The following HRH2 variants were observed in gnomAD, a reference collection of about 807,000 sequenced individuals.
HRH2 encodes histamine H2 receptor.
HRH2 carries 4 observed loss-of-function variants against 20.1 expected under a neutral mutation model. The observed-to-expected ratio is 0.20, with a 90% CI of 0.10 to 0.45. The LOEUF is 0.45. Ranked by LOEUF, HRH2 falls within the 20% of genes least tolerant of loss-of-function variation. The pLI is 0.99. For missense variants in HRH2, 250 were observed against 461.6 expected (o/e 0.54, Z 4.20); for synonymous variants, 197 against 200.7 (o/e 0.98, Z 0.16).
At chr5:175,669,456 C>T (rs1409399848) in intron 1 of HRH2, among the ~76,000 whole-genome samples, 3 of 151,624 alleles carry the variant, frequency 2.0e-5, no homozygotes, top group Admixed American at 2.0e-4. Flanking sequence ...CTCCGCCTGC[C>T]AGGTTCAAGT....
chr5:175,709,814 G>A lies in HRH2; in HGVS notation c.*1843G>A, dbSNP rs929028016. On this transcript the variant is annotated 3_prime_UTR_variant, in exon 3 of 3. Coordinates refer to ENST00000636584, the MANE Select transcript of HRH2 (RefSeq NM_001367711.1). ...AGTGGGCCATGCCAGATGCAACCCA[G>A]GTCATGCCACACAGGTAGATAAAAC... is the stretch of plus-strand genomic sequence containing the variant. 3 of 152,428 alleles carry A rather than the reference G, an allele frequency of 2.0e-5. No individual in the cohort carries two copies. The highest frequency in any genetic ancestry group is 6.5e-5 in the Admixed American group (1 of 15,270). The allele number at this position is 152,428 out of a possible 1,614,324, so 9.4% of individuals were successfully genotyped here. A position where few individuals can be genotyped will look rare whatever the true frequency, so the allele number is the denominator to read the frequency against.
At chr5:175,678,064 T>C (rs11954815) in intron 1 of HRH2, among the ~76,000 whole-genome samples, 25,396 of 152,166 alleles carry the variant, frequency 0.17, 4,952 homozygotes, top group African/African-American at 0.47. Context: ...GGGAAGCCTT[T>C]CGTACCTACA....
intron 2 of HRH2, among the ~76,000 whole-genome samples, chr5:175,691,926 G>A (rs1756398296): frequency 6.6e-6 from 1 of 151,580 alleles, no homozygotes; most frequent in Admixed American, 6.6e-5. Flanking sequence ...GTGAGGAAAA[G>A]GCCCTTCCTC....
intron 1 of HRH2, among the ~76,000 whole-genome samples, chr5:175,677,000 CTCTT>C (rs897054496): frequency 1.0e-3 from 152 of 152,024 alleles, no homozygotes; most frequent in African/African-American, 3.7e-3. Context: ...TTTTCTTTCT[CTCTT>C]TCTTTTTTGA....
At chr5:175,685,122 G>A (rs1009336507) in intron 2 of HRH2, among the ~76,000 whole-genome samples, 4 of 152,174 alleles carry the variant, frequency 2.6e-5, no homozygotes, top group Admixed American at 2.6e-4. Context: ...GAGTGCGGGA[G>A]ATGCAAGGGA....
chr5:175,674,908 G>A (rs986005452), intron 1 of HRH2, among the ~76,000 whole-genome samples: 2 of 152,200 alleles, frequency 1.3e-5, no homozygotes, highest in African/African-American at 4.8e-5. Context: ...ATGTTTGTAT[G>A]TTATCACAAG....
At chr5:175,702,088 G>A (rs186797527) in intron 2 of HRH2, among the ~76,000 whole-genome samples, 23 of 152,276 alleles carry the variant, frequency 1.5e-4, no homozygotes, top group East Asian at 1.4e-3. Context: ...GCTTATGCAC[G>A]GCATGGGGGG....
At chr5:175,706,115 C>A (rs1756935787) in intron 2 of HRH2, among the ~76,000 whole-genome samples, 2 of 152,146 alleles carry the variant, frequency 1.3e-5, no homozygotes, top group African/African-American at 4.8e-5. Flanking sequence ...AAGTGAAATA[C>A]AGGTAGAACA....
At chr5:175,669,219 C>T (rs1345753708) in intron 1 of HRH2, among the ~76,000 whole-genome samples, 2 of 152,172 alleles carry the variant, frequency 1.3e-5, no homozygotes, top group Non-Finnish European at 2.9e-5. Context: ...ACCCCACATC[C>T]CCTTTTCCCA....
At chr5:175,662,026 T>A (rs1762752256) in intron 1 of HRH2, among the ~76,000 whole-genome samples, 1 of 148,752 alleles carries the variant, frequency 6.7e-6, no homozygotes, top group Non-Finnish European at 1.5e-5. Context: ...TCTCAAAAAA[T>A]AAATAAATAA....
At chr5:175,698,475 T>C (rs1393890861) in intron 2 of HRH2, among the ~76,000 whole-genome samples, 1 of 152,170 alleles carries the variant, frequency 6.6e-6, no homozygotes, top group Non-Finnish European at 1.5e-5. Flanking sequence ...GTTCTCGCTT[T>C]ATCGTGCCAT....
At chr5:175,703,338 A>G (rs1756849546) in intron 2 of HRH2, among the ~76,000 whole-genome samples, 1 of 152,234 alleles carries the variant, frequency 6.6e-6, no homozygotes, top group African/African-American at 2.4e-5. Context: ...GATGAAGAAA[A>G]AGTAATTATG....
chr5:175,698,422 T>C (rs1171226819), intron 2 of HRH2, among the ~76,000 whole-genome samples: 2 of 152,206 alleles, frequency 1.3e-5, no homozygotes, highest in Non-Finnish European at 2.9e-5. Context: ...AGCTCTTACC[T>C]GCGTGGAGCC....
rs1301096156 is a variant in HRH2 at position 175,661,013 on chromosome 5, G to A, written c.-526+2858G>A. Among the ~76,000 whole-genome samples the A allele has an allele frequency of 2.6e-5, 4 of 151,822 alleles. No homozygotes were observed. The East Asian group carries it at 5.9e-4, about 22-fold the overall frequency. On this transcript the variant is annotated intron_variant, in intron 1 of 2. Transcript: ENST00000636584. ...GGTTTAGTCTCTGGCCAGCCTTATC[G>A]CCTCCAGCTACCCCACCCACCCACC...
chr5:175,694,017 C>T (rs1408457222), intron 2 of HRH2, among the ~76,000 whole-genome samples: 2 of 152,172 alleles, frequency 1.3e-5, no homozygotes, highest in Admixed American at 1.3e-4. Context: ...CGAGTGACTT[C>T]CTCTCTCTCA....
intron 2 of HRH2, among the ~76,000 whole-genome samples, chr5:175,701,169 G>T (rs1036381096): frequency 6.6e-6 from 1 of 152,140 alleles, no homozygotes; most frequent in Non-Finnish European, 1.5e-5. Flanking sequence ...GGCTCAGAGC[G>T]GGGCTGAGCA....
At position 175,693,672 on chromosome 5, in the gene HRH2, C is replaced by T. The variant is rs893351755; in HGVS notation, c.1076+9363C>T. On this transcript the variant is annotated intron_variant, in intron 2 of 2. Coordinates refer to ENST00000636584, the MANE Select transcript of HRH2 (RefSeq NM_001367711.1). The surrounding 1 kb of genome is among the most constrained non-coding windows in gnomAD (Gnocchi z 4.4). ...AGATAAAATGGAAAGTCATAGAGAA[C>T]CCCATGTCTGTTGCCATCCTTCCTA... 6.6e-6 allele frequency among the ~76,000 whole-genome samples: 1 copy of T among 152,212 alleles called. No homozygotes were observed. Among genetic ancestry groups the T allele is most frequent in the Non-Finnish European group, 1.5e-5 (1 of 68,038 alleles).
At chr5:175,678,251 C>T (rs1263937727) in intron 1 of HRH2, among the ~76,000 whole-genome samples, 1 of 152,224 alleles carries the variant, frequency 6.6e-6, no homozygotes, top group African/African-American at 2.4e-5. Flanking sequence ...GTGTCTTCAC[C>T]CGGAAGCTGC....
At chr5:175,667,101 GT>G (rs1762922128) in intron 1 of HRH2, among the ~76,000 whole-genome samples, 2 of 152,114 alleles carry the variant, frequency 1.3e-5, no homozygotes, top group Middle Eastern at 3.4e-3. Context: ...CTTACGTGTT[GT>G]TTTTTAGTCA....
Sources: allele counts gnomAD v4.1 joint callset (sites outside exome capture counted in the v4.1 genomes callset), GRCh38; gene constraint gnomAD v4.1.1; non-coding constraint Gnocchi (gnomAD v3.1); transcripts MANE v1.5; gene names NCBI Gene and HGNC (gene_info 2026-07-23, HGNC 2026-07-21).